The following CAMKMT variants were observed in gnomAD, a reference collection of about 807,000 sequenced individuals.
CAMKMT encodes the protein CaM KMT.
CAMKMT carries 53 observed loss-of-function variants against 48.0 expected under a neutral mutation model. The ratio of observed to expected loss-of-function variants is 1.10; its 90% CI spans 0.89 to 1.39. CAMKMT has a LOEUF of 1.39. Among genes scored for constraint, CAMKMT ranks in the 40% most tolerant of loss-of-function variants. The pLI is 0.00. For synonymous variants in CAMKMT, 165 were observed against 152.3 expected, an observed-to-expected ratio of 1.08 and a Z score of -0.61; for missense variants, 428 against 402.7, an observed-to-expected ratio of 1.06 and a Z score of -0.54.
intron 3 of CAMKMT, among the ~76,000 whole-genome samples, chr2:44,395,710 G>A (rs1204936379): frequency 2.0e-5 from 3 of 152,132 alleles, no homozygotes; most frequent in Admixed American, 1.3e-4. Context: ...TAATGTGAAA[G>A]TACCAAGTAA....
chr2:44,771,897 G>T, intron 10 of CAMKMT, 139 bp from the exon 11 acceptor site: 35 of 492,778 alleles, frequency 7.1e-5, no homozygotes, highest in East Asian at 1.2e-4. Context: ...GAACTACTTT[G>T]AGTTGCTTTT....
intron 3 of CAMKMT, among the ~76,000 whole-genome samples, chr2:44,416,224 C>G (rs1683540361): frequency 6.6e-6 from 1 of 152,104 alleles, no homozygotes; most frequent in Non-Finnish European, 1.5e-5. Flanking sequence ...CTTAACAGAA[C>G]AAGTATAGAT....
At chr2:44,518,354 T>G (rs931756824) in intron 3 of CAMKMT, among the ~76,000 whole-genome samples, 1 of 152,202 alleles carries the variant, frequency 6.6e-6, no homozygotes, top group African/African-American at 2.4e-5. Flanking sequence ...TCTGTACACC[T>G]TCAAGATATG....
At chr2:44,419,447 C>T (rs974168408) in intron 3 of CAMKMT, among the ~76,000 whole-genome samples, 29 of 152,286 alleles carry the variant, frequency 1.9e-4, no homozygotes, top group Middle Eastern at 3.4e-3. Flanking sequence ...CCTCCTATTC[C>T]CCCATCTGGA....
chr2:44,699,394 A>C (rs1359666991), intron 3 of CAMKMT, among the ~76,000 whole-genome samples: 1 of 152,210 alleles, frequency 6.6e-6, no homozygotes, highest in Non-Finnish European at 1.5e-5. Context: ...GCATATCTCC[A>C]TCAGTGCCCT....
At position 44,558,759 on chromosome 2, in the gene CAMKMT, C is replaced by A. The variant is rs184970248; in HGVS notation, c.377-145524C>A. 2.1e-4 allele frequency among the ~76,000 whole-genome samples: 32 copies of A among 152,162 alleles called. No individual in the cohort carries two copies. The East Asian group carries it at 5.8e-3, about 28-fold the overall frequency. On this transcript the variant is annotated intron_variant, in intron 3 of 10. Coordinates refer to ENST00000378494, the MANE Select transcript of CAMKMT (RefSeq NM_024766.5). The stretch of plus-strand genomic sequence containing the variant: ...GTACACACAGACTCAAAGATGAGAA[C>A]AATAGACACTTGGGACTCCTGGGGT...
intron 3 of CAMKMT, among the ~76,000 whole-genome samples, chr2:44,533,385 C>T (rs532549847): frequency 5.3e-5 from 8 of 151,446 alleles, no homozygotes; most frequent in African/African-American, 1.5e-4. Context: ...ATTACAGGTG[C>T]CCACCACCAC....
At chr2:44,724,306 T>G (rs1391880060) in intron 7 of CAMKMT, among the ~76,000 whole-genome samples, 1 of 152,148 alleles carries the variant, frequency 6.6e-6, no homozygotes, top group African/African-American at 2.4e-5. Context: ...AAAAGAATAT[T>G]CTAAATGTAA....
At chr2:44,625,374 TA>T (rs1466502240) in intron 3 of CAMKMT, among the ~76,000 whole-genome samples, 2 of 152,174 alleles carry the variant, frequency 1.3e-5, no homozygotes, top group South Asian at 2.1e-4. Flanking sequence ...ATTCTGTATA[TA>T]ACCTATACAA....
At chr2:44,384,500 C>CTTTTTTTTTTTTTTTTTTTTTTTT (rs141017634) in intron 2 of CAMKMT, among the ~76,000 whole-genome samples, 8 of 95,852 alleles carry the variant, frequency 8.3e-5, no homozygotes, top group African/African-American at 2.7e-4. Context: ...AGCTATTTAT[C>CTTTTTTTTTTTTTTTTTTTTTTTT]TTTTTTTTTT....
At chr2:44,515,921 G>C (rs1670809318) in intron 3 of CAMKMT, among the ~76,000 whole-genome samples, 1 of 152,162 alleles carries the variant, frequency 6.6e-6, no homozygotes, top group African/African-American at 2.4e-5. Flanking sequence ...ACAAGCAGTT[G>C]CATCTATTTA....
chr2:44,728,523 A>G (rs764401105), intron 7 of CAMKMT, among the ~76,000 whole-genome samples: 25 of 152,200 alleles, frequency 1.6e-4, no homozygotes, highest in Admixed American at 2.6e-4. Flanking sequence ...TGTCTGGCAG[A>G]ATTCAGCTGT....
Position 44,363,342 on chromosome 2 carries a change from G to A in CAMKMT, c.138+1197G>A, listed in dbSNP as rs1382842258. Among the ~76,000 whole-genome samples, 6 of 152,058 alleles carry A rather than the reference G, an allele frequency of 3.9e-5. 1 individual carries two copies. The highest frequency in any genetic ancestry group is 3.3e-4 in the Admixed American group (5 of 15,286). Reference sequence around the variant, plus strand: ...ATAGTGACCACTGAAATGAGATCTGGCGTGAGCTGGGGAGAGTGGACTCAA... The same window carrying A: ...ATAGTGACCACTGAAATGAGATCTGACGTGAGCTGGGGAGAGTGGACTCAA... On this transcript the variant is annotated intron_variant, in intron 1 of 10. Transcript: ENST00000378494.
intron 2 of CAMKMT, among the ~76,000 whole-genome samples, chr2:44,383,240 C>G (rs968659156): frequency 2.6e-5 from 4 of 152,086 alleles, no homozygotes; most frequent in Admixed American, 2.0e-4. Context: ...TCTCAGCTCA[C>G]TGCATCCTTC....
chr2:44,418,219 G>T (rs1478296255), intron 3 of CAMKMT, among the ~76,000 whole-genome samples: 1 of 149,244 alleles, frequency 6.7e-6, no homozygotes, highest in Non-Finnish European at 1.5e-5. Context: ...AGAATTGTAA[G>T]AGCTTATTAT....
chr2:44,401,176 G>C (rs1384995263), intron 3 of CAMKMT: 3 of 151,966 alleles, frequency 2.0e-5, no homozygotes, highest in Non-Finnish European at 4.4e-5. Context: ...AGTTAAATTT[G>C]GATAAATATC....
chr2:44,593,020 A>G (rs977424258), intron 3 of CAMKMT, among the ~76,000 whole-genome samples: 3 of 152,224 alleles, frequency 2.0e-5, no homozygotes, highest in African/African-American at 7.2e-5. Context: ...TCTGACTATA[A>G]TGATAAGTAT....
intron 3 of CAMKMT, among the ~76,000 whole-genome samples, chr2:44,529,352 C>T (rs1315058189): frequency 6.6e-6 from 1 of 151,944 alleles, no homozygotes; most frequent in Non-Finnish European, 1.5e-5. Context: ...AAATTATTTC[C>T]CCCTAGAATT....
At chr2:44,417,217 C>G (rs1327726856) in intron 3 of CAMKMT, among the ~76,000 whole-genome samples, 1 of 151,844 alleles carries the variant, frequency 6.6e-6, no homozygotes, top group African/African-American at 2.4e-5. Context: ...CATGGTGAAA[C>G]CCTGTCACTA....
Sources: gnomAD v4.1 joint callset for allele counts (sites outside exome capture counted in the v4.1 genomes callset) on GRCh38, gnomAD v4.1.1 for gene constraint, MANE v1.5 for transcripts, NCBI Gene and HGNC (gene_info 2026-07-23, HGNC 2026-07-21) for gene names.